ODAD2: variants seen among roughly 807,000 people sequenced by gnomAD.
The protein encoded by ODAD2 is outer dynein arm-docking complex subunit 2.
A neutral mutation model predicts 106.8 loss-of-function variants in ODAD2; 89 were observed. The observed-to-expected ratio is 0.83, with a 90% confidence interval of 0.70 to 0.99. ODAD2 has a LOEUF of 0.99. Ranked by LOEUF, ODAD2 falls within the 50% of genes least tolerant of loss-of-function variation. The pLI is 0.00. For missense variants in ODAD2, 1,168 were observed against 1,238.5 expected (o/e 0.94, Z 0.85); for synonymous variants, 404 against 436.2 (o/e 0.93, Z 0.92).
intron 19 of ODAD2, among the ~76,000 whole-genome samples, chr10:27,856,012 G>A (rs1031947728): frequency 3.3e-5 from 5 of 152,068 alleles, no homozygotes; most frequent in Non-Finnish European, 7.4e-5. Flanking sequence ...CCTAGGAAAG[G>A]GCTTGCCTTG....
At chr10:27,846,904 G>A (rs1043180755) in intron 19 of ODAD2, among the ~76,000 whole-genome samples, 6 of 151,928 alleles carry the variant, frequency 3.9e-5, no homozygotes, top group Non-Finnish European at 7.4e-5. Flanking sequence ...TAGATCAATT[G>A]TTGCTCTGAA....
At chr10:27,844,831 G>A (rs1339356342) in intron 19 of ODAD2, among the ~76,000 whole-genome samples, 2 of 152,134 alleles carry the variant, frequency 1.3e-5, no homozygotes, top group African/African-American at 4.8e-5. Context: ...TCTAAGAAGG[G>A]GAGGAAAATT....
chr10:27,899,160 C>G lies in ODAD2; in HGVS notation c.2610+8503G>C, dbSNP rs190377706. Among the ~76,000 whole-genome samples the G allele has an allele frequency of 4.5e-4, 68 of 151,820 alleles. No homozygotes were observed. The East Asian group carries it at 0.013, about 29-fold the overall frequency. On this transcript the variant is annotated intron_variant, in intron 17 of 19. Transcript: ENST00000305242. ...GACAGTGGGTACAGCCCACGGAGGG[C>G]AAGCAGAAGCAGACTGGGGCGTCAC...
intron 16 of ODAD2, among the ~76,000 whole-genome samples, chr10:27,910,483 C>T (rs1042223237): frequency 1.3e-5 from 2 of 152,186 alleles, no homozygotes; most frequent in Non-Finnish European, 2.9e-5. Context: ...GGGTCAGGCA[C>T]GGTGGCTCAC....
chr10:27,949,783 G>T (rs1487597089), intron 10 of ODAD2, among the ~76,000 whole-genome samples: 2 of 152,276 alleles, frequency 1.3e-5, no homozygotes, highest in Middle Eastern at 3.4e-3. Flanking sequence ...GATGCAGTCA[G>T]GTTACTGCAG....
At chr10:27,902,226 A>C (rs748573688) in intron 17 of ODAD2, among the ~76,000 whole-genome samples, 2 of 152,216 alleles carry the variant, frequency 1.3e-5, no homozygotes, top group Non-Finnish European at 1.5e-5. Context: ...TAACGAAATT[A>C]AGGCAGAAAT....
At position 27,854,325 on chromosome 10, in the gene ODAD2, T is replaced by C. The variant is rs1385972265; in HGVS notation, c.3021+6300A>G. 3.3e-5 allele frequency among the ~76,000 whole-genome samples: 5 copies of C among 152,144 alleles called. No homozygotes were observed. The East Asian group carries it at 7.7e-4, about 23-fold the overall frequency. On this transcript the variant is annotated intron_variant, in intron 19 of 19. Transcript: ENST00000305242. ...TTTTTTAAAAAGTTAAAGGTACACA[T>C]ACCGTATGATCCAGCCATTCACTCC...
chr10:27,924,008 A>AAGAAAGAAAGAAAGAACGAG, intron 16 of ODAD2, among the ~76,000 whole-genome samples: 1 of 104,248 alleles, frequency 9.6e-6, no homozygotes, highest in South Asian at 3.1e-4. Flanking sequence ...GAAAGAAAGA[A>AAGAAAGAAAGAAAGAACGAG]AGAAAGAAAG....
At chr10:27,893,172 A>T (rs1401527579) in intron 17 of ODAD2, among the ~76,000 whole-genome samples, 1 of 152,164 alleles carries the variant, frequency 6.6e-6, no homozygotes, top group Non-Finnish European at 1.5e-5. Context: ...AAAAAAGAAG[A>T]AGAAAAGAAA....
chr10:27,884,544 T>C (rs1841946546), intron 17 of ODAD2, among the ~76,000 whole-genome samples: 1 of 152,148 alleles, frequency 6.6e-6, no homozygotes, highest in Admixed American at 6.6e-5. Context: ...TTGGCCTATC[T>C]GTGGGCTACT....
At chr10:27,955,004 A>G (rs1847621068) in intron 10 of ODAD2, among the ~76,000 whole-genome samples, 1 of 152,218 alleles carries the variant, frequency 6.6e-6, no homozygotes, top group South Asian at 2.1e-4. Flanking sequence ...CAATTAAAAA[A>G]AAGTCACAAA....
At position 27,985,079 on chromosome 10, in the gene ODAD2, G is replaced by C. The variant is rs1436956485; in HGVS notation, c.515C>G (p.Ala172Gly). The part of the protein sequence containing the change: ...DPESEIKMKI[A>G]MLLKQLDLHL... ...CAGATCCAATTGCTTAAGCAGCATA[G>C]CAATCTTCATCTTAATTTCACTTTC... Residue 172 changes from alanine (A) to glycine (G), a missense_variant, in exon 4 of 20, where the codon GCT (alanine) becomes GGT (glycine). By Grantham distance (60) the Ala-to-Gly change is moderately conservative. Around this residue, in one of 3 missense-constraint regions of ODAD2, gnomAD observed 430 missense variants for 452.2 expected, o/e 0.95. Coordinates refer to ENST00000305242, the MANE Select transcript of ODAD2 (RefSeq NM_018076.5). 5.6e-6 allele frequency: 9 copies of C among 1,608,222 alleles called. No homozygotes were observed. Among genetic ancestry groups the C allele is most frequent in the Non-Finnish European group, 7.6e-6 (9 of 1,177,812 alleles).
At chr10:27,817,417 G>A (rs1459106904) in intron 19 of ODAD2, among the ~76,000 whole-genome samples, 4 of 152,152 alleles carry the variant, frequency 2.6e-5, no homozygotes, top group Non-Finnish European at 5.9e-5. Context: ...GCACAGTGGT[G>A]AAGTCTGGGC....
chr10:27,960,383 A>T lies in ODAD2; in HGVS notation c.1386+1185T>A, dbSNP rs1217994885. On this transcript the variant is annotated intron_variant, in intron 10 of 19. Transcript: ENST00000305242. Reference sequence around the variant, plus strand: ...TATTTTGAGATGGAGTTTTGCTCTTACCTCCCAGGCTGGAGTGCAATGGCA... The same window carrying T: ...TATTTTGAGATGGAGTTTTGCTCTTTCCTCCCAGGCTGGAGTGCAATGGCA... 2.7e-5 allele frequency among the ~76,000 whole-genome samples: 4 copies of T among 149,198 alleles called. No individual in the cohort carries two copies. In the East Asian group the frequency reaches 7.8e-4, roughly 29 times the overall value.
chr10:27,821,334 C>T (rs147673210), intron 19 of ODAD2, among the ~76,000 whole-genome samples: 2 of 152,270 alleles, frequency 1.3e-5, no homozygotes, highest in Non-Finnish European at 2.9e-5. Flanking sequence ...CTTTGTTATA[C>T]ACCCAGAGGG....
At chr10:27,988,179 T>C (rs1380968362) in intron 2 of ODAD2, among the ~76,000 whole-genome samples, 1 of 151,892 alleles carries the variant, frequency 6.6e-6, no homozygotes. Flanking sequence ...ATTTTAATGA[T>C]TTTTTTCAGG....
intron 16 of ODAD2, among the ~76,000 whole-genome samples, chr10:27,919,533 T>C (rs7094524): frequency 0.16 from 24,886 of 152,014 alleles, 3,138 homozygotes; most frequent in African/African-American, 0.35. Flanking sequence ...ATATACAAAT[T>C]GGTAATAAAG....
intron 12 of ODAD2, among the ~76,000 whole-genome samples, chr10:27,943,049 G>A (rs1026776229): frequency 2.0e-5 from 3 of 152,146 alleles, no homozygotes; most frequent in African/African-American, 7.2e-5. Flanking sequence ...AAAGACACTA[G>A]GATGAATAAG....
chr10:27,883,529 C>A (rs1841884792), intron 17 of ODAD2, among the ~76,000 whole-genome samples: 1 of 151,854 alleles, frequency 6.6e-6, no homozygotes, highest in African/African-American at 2.4e-5. Flanking sequence ...AAAGTATGCA[C>A]CAGAGGAAAA....
Sources: gnomAD v4.1 joint callset for allele counts (sites outside exome capture counted in the v4.1 genomes callset) on GRCh38, gnomAD v4.1.1 for gene constraint, gnomAD v4.1.1 regional missense constraint, MANE v1.5 for transcripts, NCBI Gene and HGNC (gene_info 2026-07-23, HGNC 2026-07-21) for gene names.